The following SAMD12 variants were observed in gnomAD, a reference collection of about 807,000 sequenced individuals.
The protein encoded by SAMD12 is sterile alpha motif domain-containing protein 12.
In SAMD12, 9 loss-of-function variants were observed where a neutral mutation model predicts 15.0. The ratio of observed to expected loss-of-function variants is 0.60; its 90% CI spans 0.36 to 1.05. The LOEUF is 1.05. SAMD12 is among the 50% of genes least tolerant of loss of function. The probability of loss-of-function intolerance (pLI) is 0.01; values close to 1 mark genes in which losing one functional copy is unlikely to be tolerated. For synonymous variants in SAMD12, 86 were observed against 90.1 expected, an observed-to-expected ratio of 0.96 and a Z score of 0.25; for missense variants, 230 against 234.2, an observed-to-expected ratio of 0.98 and a Z score of 0.12.
chr8:118,359,975 A>G (rs1818409640), intron 4 of SAMD12, among the ~76,000 whole-genome samples: 1 of 152,146 alleles, frequency 6.6e-6, no homozygotes, highest in Non-Finnish European at 1.5e-5. Context: ...TGTTCAGCAA[A>G]CATTTATTCA....
chr8:118,173,657 T>A, the SAMD12 span, among the ~76,000 whole-genome samples: 2 of 144,452 alleles, frequency 1.4e-5, no homozygotes, highest in African/African-American at 2.5e-5. Flanking sequence ...TGAGATGGAG[T>A]CTTGCTCTGT....
chr8:118,241,943 A>G (rs1276331658), intron 4 of SAMD12, among the ~76,000 whole-genome samples: 2 of 152,138 alleles, frequency 1.3e-5, no homozygotes, highest in African/African-American at 4.8e-5. Context: ...ACTGGGTCTC[A>G]CTCTGTTGCC....
intron 2 of SAMD12, among the ~76,000 whole-genome samples, chr8:118,534,885 C>A (rs11784443): frequency 0.34 from 51,324 of 151,950 alleles, 9,565 homozygotes; most frequent in Admixed American, 0.43. Flanking sequence ...GTGATGGGTT[C>A]GAACATCCTC....
At chr8:118,397,383 T>C (rs1820635176) in intron 3 of SAMD12, among the ~76,000 whole-genome samples, 1 of 151,986 alleles carries the variant, frequency 6.6e-6, no homozygotes. Context: ...AGAAGTATGG[T>C]TCAGGAAAAA....
At chr8:118,493,275 C>T (rs1441414947) in intron 2 of SAMD12, among the ~76,000 whole-genome samples, 1 of 152,158 alleles carries the variant, frequency 6.6e-6, no homozygotes, top group Non-Finnish European at 1.5e-5. Context: ...GCCATATGTG[C>T]TAAATTTCTC....
intron 4 of SAMD12, among the ~76,000 whole-genome samples, chr8:118,353,156 T>C (rs1465611502): frequency 6.6e-6 from 1 of 151,392 alleles, no homozygotes; most frequent in Non-Finnish European, 1.5e-5. Context: ...GTATGTGATG[T>C]TTTCATATGT....
At chr8:118,616,670 C>T (rs528237741) in intron 1 of SAMD12, among the ~76,000 whole-genome samples, 3 of 152,326 alleles carry the variant, frequency 2.0e-5, no homozygotes, top group Admixed American at 1.3e-4. Flanking sequence ...CTGCCTGCTG[C>T]AGGAGCCCAT....
chr8:118,426,483 A>G (rs545054669), intron 3 of SAMD12, among the ~76,000 whole-genome samples: 2 of 152,334 alleles, frequency 1.3e-5, no homozygotes, highest in South Asian at 2.1e-4. Context: ...TTCTCAGCAG[A>G]GCATCCTGCA....
At chr8:118,533,875 A>C (rs1825760089) in intron 2 of SAMD12, among the ~76,000 whole-genome samples, 1 of 151,946 alleles carries the variant, frequency 6.6e-6, no homozygotes, top group African/African-American at 2.4e-5. Context: ...CAGCACACTG[A>C]TGGGTCTTGA....
intron 4 of SAMD12, among the ~76,000 whole-genome samples, chr8:118,255,401 C>T (rs554706056): frequency 4.9e-4 from 74 of 151,816 alleles, no homozygotes; most frequent in South Asian, 2.1e-3. Flanking sequence ...ATGTGCACAA[C>T]GTGCAGGTTA....
chr8:118,296,397 C>T (rs552890769), intron 4 of SAMD12, among the ~76,000 whole-genome samples: 1 of 152,340 alleles, frequency 6.6e-6, no homozygotes, highest in Non-Finnish European at 1.5e-5. Flanking sequence ...GAAAAGGAAG[C>T]CTTTCTTGAT....
At chr8:118,375,609 T>A (rs780342839), downstream of SAMD12, 3 of 152,188 alleles carry the variant, frequency 2.0e-5, no homozygotes, top group Non-Finnish European at 4.4e-5. Flanking sequence ...TCTTACAACA[T>A]CCCTATTTGG....
chr8:118,584,901 C>A (rs1450296947), intron 1 of SAMD12, among the ~76,000 whole-genome samples: 3 of 147,918 alleles, frequency 2.0e-5, no homozygotes, highest in African/African-American at 7.5e-5. Flanking sequence ...TCATTTAATC[C>A]AACAATTCAA....
chr8:118,602,858 GGA>G (rs1455935177), intron 1 of SAMD12, among the ~76,000 whole-genome samples: 3 of 151,882 alleles, frequency 2.0e-5, no homozygotes, highest in African/African-American at 7.3e-5. Flanking sequence ...TAACATAAAA[GGA>G]GATCAGAATG....
intron 4 of SAMD12, among the ~76,000 whole-genome samples, chr8:118,322,541 G>A (rs186889218): frequency 1.3e-5 from 2 of 152,308 alleles, no homozygotes; most frequent in Admixed American, 1.3e-4. Context: ...ACATTAAAAT[G>A]TTTACAAGAC....
chr8:118,620,014 C>T (rs1828351810), intron 1 of SAMD12, among the ~76,000 whole-genome samples: 1 of 152,212 alleles, frequency 6.6e-6, no homozygotes, highest in Non-Finnish European at 1.5e-5. Flanking sequence ...GTTTACTAGA[C>T]AGGTACTTTA....
At chr8:118,291,456 C>A (rs1412584914) in intron 4 of SAMD12, 1 of 152,194 alleles carries the variant, frequency 6.6e-6, no homozygotes, top group East Asian at 1.9e-4. Flanking sequence ...AAAAGAATGA[C>A]ATGGAAAGTC....
rs1411260345 is a variant in SAMD12 at position 118,213,042 on chromosome 8, G to T, written c.434-15310C>A. ...AGCATAAAAGGGTGGAGGGAGGCTG[G>T]ACCTCATCTTTTGGCAAAGAGATAA... On this transcript the variant is annotated intron_variant, in intron 4 of 4. Coordinates refer to the SAMD12 transcript ENST00000409003. 2.0e-5 allele frequency among the ~76,000 whole-genome samples: 3 copies of T among 152,146 alleles called. No homozygotes were observed. In the East Asian group the frequency reaches 5.8e-4, roughly 29 times the overall value.
At chr8:118,344,411 T>G (rs952878406) in intron 4 of SAMD12, among the ~76,000 whole-genome samples, 2 of 152,244 alleles carry the variant, frequency 1.3e-5, no homozygotes, top group African/African-American at 2.4e-5. Context: ...GCTGAGCACT[T>G]TATAAACTTT....
Sources: gnomAD v4.1 joint callset for allele counts (sites outside exome capture counted in the v4.1 genomes callset) on GRCh38, gnomAD v4.1.1 for gene constraint, MANE v1.5 for transcripts, NCBI Gene and HGNC (gene_info 2026-07-23, HGNC 2026-07-21) for gene names.